The following DLG2 variants were observed in gnomAD, a reference collection of about 807,000 sequenced individuals.
DLG2 encodes the protein discs large MAGUK scaffold protein 2, also known as disks large homolog 2.
DLG2 carries 45 observed loss-of-function variants against 132.5 expected under a neutral mutation model. That is an observed-to-expected ratio of 0.34 (90% CI 0.27 to 0.44). The LOEUF (loss-of-function observed/expected upper bound fraction) is 0.44, where lower values mean the gene tolerates loss of function less well. Ranked by LOEUF, DLG2 falls within the 20% of genes least tolerant of loss-of-function variation. DLG2 has a pLI of 1.00. For missense variants in DLG2, 1,045 were observed against 1,196.9 expected, an observed-to-expected ratio of 0.87 and a Z score of 1.87; for synonymous variants, 424 against 419.6, an observed-to-expected ratio of 1.01 and a Z score of -0.13.
At chr11:85,353,469 C>T (rs900138522) in intron 3 of DLG2, among the ~76,000 whole-genome samples, 4 of 152,048 alleles carry the variant, frequency 2.6e-5, no homozygotes, top group South Asian at 2.1e-4. Context: ...ACCATTGGAC[C>T]GAGCAATCCT....
intron 7 of DLG2, among the ~76,000 whole-genome samples, chr11:84,278,151 G>A (rs1236430450): frequency 6.9e-6 from 1 of 145,172 alleles, no homozygotes; most frequent in Non-Finnish European, 1.5e-5. Context: ...GTTTCTCAAA[G>A]TGCTAGGATT....
intron 6 of DLG2, chr11:84,545,381 A>T: frequency 1.9e-6 from 1 of 520,846 alleles, no homozygotes; most frequent in South Asian, 1.5e-5. Flanking sequence ...CACTGCCACC[A>T]TATCCACAAC....
chr11:85,511,307 G>C (rs1373194907), intron 3 of DLG2, among the ~76,000 whole-genome samples: 2 of 151,726 alleles, frequency 1.3e-5, no homozygotes, highest in African/African-American at 2.4e-5. Context: ...TACCAACATG[G>C]CACATGTATA....
At chr11:84,487,818 A>G (rs569208536) in intron 7 of DLG2, among the ~76,000 whole-genome samples, 1 of 152,286 alleles carries the variant, frequency 6.6e-6, no homozygotes, top group South Asian at 2.1e-4. Flanking sequence ...ATTGAAAAAC[A>G]GGAGGATTTC....
In DLG2 at chr11:85,408,841, A is replaced by G. The variant is rs1018865556; in HGVS notation, c.41-123476T>C. On this transcript the variant is annotated intron_variant, in intron 3 of 27. Coordinates refer to ENST00000376104, the MANE Select transcript of DLG2 (RefSeq NM_001142699.3). Reference sequence around the variant, plus strand: ...TTCCAAGTCTTTGCTATTGTGAATAATGCCACAATAAACATACGTGTGCAT... The same window carrying G: ...TTCCAAGTCTTTGCTATTGTGAATAGTGCCACAATAAACATACGTGTGCAT... Among the ~76,000 whole-genome samples, 25 of 150,906 alleles carry G rather than the reference A, an allele frequency of 1.7e-4. No individual in the cohort carries two copies. The East Asian group carries it at 2.0e-3, about 12-fold the overall frequency.
chr11:84,158,016 A>G (rs1399289955), intron 9 of DLG2, among the ~76,000 whole-genome samples: 1 of 152,046 alleles, frequency 6.6e-6, no homozygotes, highest in African/African-American at 2.4e-5. Context: ...TGGAAGAAAT[A>G]GATTTTATTT....
intron 16 of DLG2, among the ~76,000 whole-genome samples, chr11:83,848,307 T>C (rs2059033068): frequency 6.6e-6 from 1 of 152,138 alleles, no homozygotes; most frequent in Non-Finnish European, 1.5e-5. Context: ...TACAGATTAG[T>C]GCCTGGTACA....
At chr11:85,441,108 TG>T (rs2091757358) in intron 3 of DLG2, among the ~76,000 whole-genome samples, 1 of 152,188 alleles carries the variant, frequency 6.6e-6, no homozygotes, top group African/African-American at 2.4e-5. Flanking sequence ...CCCTTTGTGA[TG>T]GGGTCAAGGA....
chr11:84,050,153 C>CTTT (rs59128434), intron 11 of DLG2, among the ~76,000 whole-genome samples: 1 of 141,162 alleles, frequency 7.1e-6, no homozygotes, highest in African/African-American at 2.6e-5. Context: ...CTACTGGAGA[C>CTTT]TTTTTTTTTT....
intron 3 of DLG2, among the ~76,000 whole-genome samples, chr11:85,581,018 C>T (rs1420122317): frequency 6.6e-6 from 1 of 152,062 alleles, no homozygotes; most frequent in Non-Finnish European, 1.5e-5. Flanking sequence ...CTGGGGTCCA[C>T]TAATGGGGGG....
chr11:85,336,672 G>A (rs1162980100), intron 3 of DLG2: 1 of 152,734 alleles, frequency 6.5e-6, no homozygotes, highest in Non-Finnish European at 1.5e-5. Flanking sequence ...GGGTGGGTGT[G>A]GGGCCTTTTA....
At chr11:84,996,858 C>T (rs901477256) in intron 6 of DLG2, among the ~76,000 whole-genome samples, 9 of 152,232 alleles carry the variant, frequency 5.9e-5, no homozygotes, top group African/African-American at 1.9e-4. Flanking sequence ...TACATCAGAG[C>T]GTCTTGCAGC....
intron 3 of DLG2, among the ~76,000 whole-genome samples, chr11:85,530,856 C>T (rs1318470283): frequency 1.3e-5 from 2 of 152,104 alleles, no homozygotes; most frequent in Admixed American, 1.3e-4. Flanking sequence ...TGCTTTGTCC[C>T]TCTGTATATT....
At chr11:83,601,828 T>C (rs1040196395) in intron 19 of DLG2, among the ~76,000 whole-genome samples, 5 of 152,100 alleles carry the variant, frequency 3.3e-5, no homozygotes, top group Non-Finnish European at 5.9e-5. Flanking sequence ...CAGCCGTCAA[T>C]GAAGTTCTTA....
intron 6 of DLG2, among the ~76,000 whole-genome samples, chr11:85,080,211 C>T (rs939811310): frequency 6.6e-6 from 1 of 151,884 alleles, no homozygotes; most frequent in Non-Finnish European, 1.5e-5. Flanking sequence ...GGGGCATTAG[C>T]AATGAAAATA....
chr11:83,638,621 T>TA (rs979385434), intron 18 of DLG2, among the ~76,000 whole-genome samples: 3 of 152,134 alleles, frequency 2.0e-5, no homozygotes, highest in African/African-American at 7.2e-5. Context: ...AGCCCCCTGT[T>TA]ACGGCCTCCC....
intron 4 of DLG2, among the ~76,000 whole-genome samples, chr11:85,221,799 C>T (rs955093007): frequency 5.3e-5 from 8 of 152,292 alleles, no homozygotes; most frequent in Middle Eastern, 3.4e-3. Context: ...ACCATTTGTG[C>T]CTGACTTGAA....
intron 21 of DLG2, among the ~76,000 whole-genome samples, chr11:83,515,890 C>T (rs772589717): frequency 3.3e-5 from 5 of 152,130 alleles, no homozygotes; most frequent in Non-Finnish European, 7.4e-5. Context: ...GTCTGAGGGA[C>T]AGTTTGTTAT....
At chr11:84,777,263 GTA>G (rs1244032800) in intron 6 of DLG2, among the ~76,000 whole-genome samples, 26 of 136,594 alleles carry the variant, frequency 1.9e-4, no homozygotes, top group African/African-American at 6.6e-4. Context: ...CATTGTGTGT[GTA>G]TGTATATGTG....
Sources: gnomAD v4.1 joint callset for allele counts (sites outside exome capture counted in the v4.1 genomes callset) on GRCh38, gnomAD v4.1.1 for gene constraint, MANE v1.5 for transcripts, NCBI Gene and HGNC (gene_info 2026-07-23, HGNC 2026-07-21) for gene names.